The following PRTG variants were observed in gnomAD, a reference collection of about 807,000 sequenced individuals.
PRTG encodes the protein immunoglobulin superfamily, DCC subclass, member 5.
In PRTG, 67 loss-of-function variants were observed where a neutral mutation model predicts 122.5. The observed-to-expected ratio is 0.55, with a 90% CI of 0.45 to 0.67. The LOEUF is 0.67. PRTG is among the 30% of genes least tolerant of loss of function. The pLI, the probability that PRTG is intolerant of heterozygous loss-of-function variation, is 0.00. For missense variants in PRTG, 1,435 were observed against 1,415.4 expected, an observed-to-expected ratio of 1.01 and a Z score of -0.22; for synonymous variants, 554 against 501.1, an observed-to-expected ratio of 1.11 and a Z score of -1.41.
chr15:55,721,633 G>T (rs181930058), intron 2 of PRTG, among the ~76,000 whole-genome samples: 2 of 152,222 alleles, frequency 1.3e-5, no homozygotes, highest in Admixed American at 1.3e-4. Flanking sequence ...ATCTCTCCCT[G>T]TATTACTCCT....
chr15:55,729,354 G>C (rs546835240), intron 2 of PRTG, among the ~76,000 whole-genome samples: 4 of 152,102 alleles, frequency 2.6e-5, no homozygotes, highest in Non-Finnish European at 4.4e-5. Flanking sequence ...GTGGCTGCTA[G>C]AGGAAGGGGG....
chr15:55,653,704 T>A (rs1373402651), intron 11 of PRTG, among the ~76,000 whole-genome samples: 1 of 152,198 alleles, frequency 6.6e-6, no homozygotes, highest in Non-Finnish European at 1.5e-5. Context: ...CCTCAGGTGA[T>A]CTGCCCGCCT....
chr15:55,707,495 A>G (rs1242451459), intron 2 of PRTG, among the ~76,000 whole-genome samples: 1 of 152,212 alleles, frequency 6.6e-6, no homozygotes, highest in Non-Finnish European at 1.5e-5. Context: ...TATTTATTAA[A>G]TGCGGAATGC....
intron 11 of PRTG, among the ~76,000 whole-genome samples, 171 bp downstream of exon 11, chr15:55,672,274 A>G (rs1261913106): frequency 6.6e-6 from 1 of 152,226 alleles, no homozygotes; most frequent in African/African-American, 2.4e-5. Flanking sequence ...CACAATGGTA[A>G]GTCAAAGACC....
intron 2 of PRTG, among the ~76,000 whole-genome samples, chr15:55,691,895 A>C (rs929165196): frequency 6.6e-6 from 1 of 151,206 alleles, no homozygotes; most frequent in African/African-American, 2.4e-5. Context: ...AAATTAGCCC[A>C]GTGTGGTGGT....
At chr15:55,699,581 A>G (rs550059745) in intron 2 of PRTG, among the ~76,000 whole-genome samples, 17 of 152,354 alleles carry the variant, frequency 1.1e-4, no homozygotes, top group South Asian at 4.1e-4. Flanking sequence ...TATTTTCAGC[A>G]TCATTATTTT....
chr15:55,706,868 TG>T (rs758695819), intron 2 of PRTG, among the ~76,000 whole-genome samples: 31 of 152,296 alleles, frequency 2.0e-4, no homozygotes, highest in Admixed American at 5.9e-4. Context: ...TGCAGAGCTT[TG>T]CCTACTTACA....
chr15:55,693,007 ATT>A (rs989580703), intron 2 of PRTG, among the ~76,000 whole-genome samples: 1 of 142,036 alleles, frequency 7.0e-6, no homozygotes. Flanking sequence ...CGGCCAGCTA[ATT>A]TTTTTTTTTT....
At chr15:55,719,272 T>C (rs1381367364) in intron 2 of PRTG, among the ~76,000 whole-genome samples, 6 of 152,212 alleles carry the variant, frequency 3.9e-5, no homozygotes, top group Admixed American at 6.5e-5. Flanking sequence ...TTGTTGCATA[T>C]GGTATATCAT....
chr15:55,662,875 A>C (rs1344917676), intron 11 of PRTG, among the ~76,000 whole-genome samples: 1 of 152,230 alleles, frequency 6.6e-6, no homozygotes, highest in African/African-American at 2.4e-5. Flanking sequence ...GCTGGTCCAC[A>C]GACTTAACTT....
At chr15:55,636,793 C>A (rs565429109) in intron 15 of PRTG, among the ~76,000 whole-genome samples, 3 of 152,110 alleles carry the variant, frequency 2.0e-5, no homozygotes, top group East Asian at 1.9e-4. Context: ...ATTACAGGCG[C>A]CTGCCATCAC....
chr15:55,670,318 T>C (rs542757410), intron 11 of PRTG, among the ~76,000 whole-genome samples: 3 of 152,326 alleles, frequency 2.0e-5, no homozygotes, highest in Admixed American at 6.5e-5. Flanking sequence ...GCTAATAATG[T>C]ATTTTTTGTA....
chr15:55,683,599 C>A (rs879861983), intron 3 of PRTG, among the ~76,000 whole-genome samples, 188 bp downstream of exon 3: 2 of 152,162 alleles, frequency 1.3e-5, no homozygotes, highest in Non-Finnish European at 1.5e-5. Flanking sequence ...TGATCTAAAC[C>A]AGGAACCATG....
chr15:55,722,922 T>G (rs2030883180), intron 2 of PRTG, among the ~76,000 whole-genome samples: 2 of 152,174 alleles, frequency 1.3e-5, no homozygotes. Flanking sequence ...GCTAGGACCC[T>G]GGAATACGTG....
At position 55,612,644 on chromosome 15, in the gene PRTG, A is replaced by G. The variant is rs2059125149; in HGVS notation, c.*7368T>C. On this transcript the variant is annotated 3_prime_UTR_variant, in exon 20 of 20. Coordinates refer to ENST00000389286, the MANE Select transcript of PRTG (RefSeq NM_173814.6). Reference sequence around the variant, plus strand: ...ATCCTAAATATGTACTTTTCTCCTCACCCATCTATCCTGCTGGACAGATCT... The same window carrying G: ...ATCCTAAATATGTACTTTTCTCCTCGCCCATCTATCCTGCTGGACAGATCT... The G allele has an allele frequency of 6.9e-6, 1 of 145,906 alleles. No homozygotes were observed. Among genetic ancestry groups the G allele is most frequent in the African/African-American group, 2.6e-5 (1 of 38,110 alleles). 9.0% of individuals were successfully genotyped at this position (145,906 alleles called of 1,614,324 possible). A position where few individuals can be genotyped will look rare whatever the true frequency, so the allele number is the denominator to read the frequency against.
intron 11 of PRTG, 23 bp from the exon 12 acceptor site, chr15:55,641,231 T>C (rs12902393): frequency 0.028 from 43,268 of 1,541,404 alleles, 1,100 homozygotes; most frequent in African/African-American, 0.13. Context: ...CAATAGGAAA[T>C]AATTAGGACC....
chr15:55,726,152 A>G (rs2031023739), intron 2 of PRTG, among the ~76,000 whole-genome samples: 1 of 152,146 alleles, frequency 6.6e-6, no homozygotes, highest in Admixed American at 6.6e-5. Flanking sequence ...CATGTGGGCC[A>G]AGATTGTGTC....
chr15:55,670,190 T>C (rs573726248), intron 11 of PRTG, among the ~76,000 whole-genome samples: 3 of 151,916 alleles, frequency 2.0e-5, no homozygotes, highest in African/African-American at 4.8e-5. Flanking sequence ...TTTTGAAGAA[T>C]TGCTTTTAAT....
Position 55,676,657 on chromosome 15 carries a change from C to A in PRTG, c.1382-974G>T, listed in dbSNP as rs79526664. On this transcript the variant is annotated intron_variant, in intron 8 of 19. Coordinates refer to ENST00000389286, the MANE Select transcript of PRTG (RefSeq NM_173814.6). The stretch of plus-strand genomic sequence containing the variant: ...ATAGTACGATTTCTGACCTACCAAA[C>A]AAGGTCCTTGAGTTCGAATTAAAAA... Among the ~76,000 whole-genome samples the A allele has an allele frequency of 9.1e-3, 1,379 of 152,286 alleles. 14 individuals carry two copies. Among genetic ancestry groups the A allele is most frequent in the Non-Finnish European group, 0.011 (721 of 68,016 alleles).
Sources: allele counts gnomAD v4.1 joint callset (sites outside exome capture counted in the v4.1 genomes callset), GRCh38; gene constraint gnomAD v4.1.1; transcripts MANE v1.5; gene names NCBI Gene and HGNC (gene_info 2026-07-23, HGNC 2026-07-21).